C4orf51: variants seen among roughly 807,000 people sequenced by gnomAD.
C4orf51 encodes chromosome 4 open reading frame 51.
In C4orf51, 25 loss-of-function variants were observed where a neutral mutation model predicts 25.2. The observed-to-expected ratio is 0.99, with a 90% CI of 0.72 to 1.39. The LOEUF (loss-of-function observed/expected upper bound fraction) is 1.39. Ranked by LOEUF, C4orf51 falls within the 40% of genes most tolerant of loss-of-function variation. The pLI is 0.00. For missense variants in C4orf51, 252 were observed against 239.6 expected, an observed-to-expected ratio of 1.05 and a Z score of -0.34; for synonymous variants, 100 against 84.5, an observed-to-expected ratio of 1.18 and a Z score of -1.01.
chr4:145,753,244 C>T (rs936185735), intron 1 of C4orf51, among the ~76,000 whole-genome samples: 2 of 150,928 alleles, frequency 1.3e-5, no homozygotes, highest in African/African-American at 4.9e-5. Flanking sequence ...TTCTATTCGA[C>T]CAGCTTGCTC....
intron 1 of C4orf51, among the ~76,000 whole-genome samples, chr4:145,738,509 T>C (rs970187548): frequency 7.9e-5 from 12 of 152,016 alleles, no homozygotes; most frequent in Non-Finnish European, 1.8e-4. Context: ...TTTGGTGTTT[T>C]ATGAAGAAAC....
At chr4:145,791,787 C>G in the C4orf51 span, among the ~76,000 whole-genome samples, 1 of 152,280 alleles carries the variant, frequency 6.6e-6, no homozygotes, top group South Asian at 2.1e-4. Flanking sequence ...ATTTAACTCT[C>G]TTAACAAAAG....
At chr4:145,775,137 A>AGC (rs1736861634), downstream of C4orf51, among the ~76,000 whole-genome samples, 3 of 152,204 alleles carry the variant, frequency 2.0e-5, no homozygotes, top group Admixed American at 2.0e-4. Flanking sequence ...GTTGTATGGC[A>AGC]CTCCAAGCAA....
At chr4:145,774,582 C>T (rs151291781), downstream of C4orf51, 327 of 1,613,348 alleles carry the variant, frequency 2.0e-4, no homozygotes, top group East Asian at 3.3e-3. Flanking sequence ...TGCAGCAGAT[C>T]GAAAACATCC....
Position 145,732,492 on chromosome 4 carries a change from T to C in C4orf51, c.541T>C (p.Ser181Pro), listed in dbSNP as rs1398422864. 6 of 1,611,304 alleles carry C rather than the reference T, an allele frequency of 3.7e-6. No individual in the cohort carries two copies. Among genetic ancestry groups the C allele is most frequent in the South Asian group, 2.2e-5 (2 of 90,182 alleles). ...RCDSESKVCSSEDSEADRYSD... is the reference protein window; with the variant it reads ...RCDSESKVCSPEDSEADRYSD... ...CGATTCTGAAAGCAAGGTTTGCTCA[T>C]CTGAGGATTCAGAAGCTGATCGATA... The change falls in exon 6 of 6, where the codon TCT becomes CCT. Residue 181 changes from serine (S) to proline (P), a missense_variant. Coordinates refer to ENST00000438731, the MANE Select transcript of C4orf51 (RefSeq NM_001080531.3).
rs562538342 is a variant in C4orf51 at position 145,726,699 on chromosome 4, G to A, written c.308-212G>A. On this transcript the variant is annotated intron_variant, in intron 2 of 5. Coordinates refer to ENST00000438731, the MANE Select transcript of C4orf51 (RefSeq NM_001080531.3). ...TGGGATTACAGCCATGAGCCACGGT[G>A]TCTGGCCATAAATTACTGTTAACTG... 3.9e-5 allele frequency among the ~76,000 whole-genome samples: 6 copies of A among 152,306 alleles called. No individual in the cohort carries two copies. The East Asian group carries it at 1.2e-3, about 29-fold the overall frequency.
Position 145,761,665 on chromosome 4 carries a change from G to T in C4orf51, n.167-9323G>T. 1.0e-6 allele frequency: 1 copy of T among 979,530 alleles called. No individual in the cohort carries two copies. The highest frequency in any genetic ancestry group is 1.4e-6 in the Non-Finnish European group (1 of 735,124). 60.7% of individuals were successfully genotyped at this position (979,530 alleles called of 1,614,324 possible). On this transcript the variant is annotated intron_variant and non_coding_transcript_variant, in intron 1 of 1. Transcript: ENST00000510096. The surrounding 1 kb of genome is among the most constrained non-coding windows in gnomAD (Gnocchi z 6.8). ...TTCGGAGGCAGCCGCGCTTCTCGCC[G>T]CCTCACCAGCCTTCCCTCACACCAC... is the stretch of plus-strand genomic sequence containing the variant.
intron 1 of C4orf51, among the ~76,000 whole-genome samples, chr4:145,745,391 C>T (rs1733318536): frequency 6.6e-6 from 1 of 151,072 alleles, no homozygotes; most frequent in Non-Finnish European, 1.5e-5. Flanking sequence ...CCTTCCCAGA[C>T]TCTGGTAATC....
rs1266809403 is a variant in C4orf51 at position 145,752,782 on chromosome 4, A to G, written n.168-1425A>G. 2.0e-5 allele frequency among the ~76,000 whole-genome samples: 3 copies of G among 152,220 alleles called. No homozygotes were observed. The South Asian group carries it at 6.2e-4, about 31-fold the overall frequency. On this transcript the variant is annotated intron_variant and non_coding_transcript_variant, in intron 1 of 1. Coordinates refer to the C4orf51 transcript ENST00000508981. ...TTAGGATTTCTGAGCGCTTTAGCTC[A>G]CAATGGTGTGTCTTGCCTGAACTCA...
At chr4:145,736,531 T>C (rs1732813114), downstream of C4orf51, among the ~76,000 whole-genome samples, 1 of 152,132 alleles carries the variant, frequency 6.6e-6, no homozygotes, top group Admixed American at 6.5e-5. Context: ...GTCCATCAGC[T>C]GTGGAGCAGG....
intron 3 of C4orf51, among the ~76,000 whole-genome samples, chr4:145,728,784 C>G (rs1732255907): frequency 6.6e-6 from 1 of 152,070 alleles, no homozygotes; most frequent in African/African-American, 2.4e-5. Flanking sequence ...AGTATATTTC[C>G]TTTATCCATT....
chr4:145,742,031 T>A (rs1174452975), intron 1 of C4orf51, among the ~76,000 whole-genome samples: 1 of 152,184 alleles, frequency 6.6e-6, no homozygotes. Context: ...AGTACTAAAC[T>A]CAATACAAGG....
chr4:145,702,219 G>A (rs1730494194), intron 2 of C4orf51, among the ~76,000 whole-genome samples: 1 of 151,980 alleles, frequency 6.6e-6, no homozygotes, highest in Non-Finnish European at 1.5e-5. Context: ...TTACAAGTTA[G>A]TTCAGAATCT....
intron 1 of C4orf51, chr4:145,759,854 C>A (rs1185997163): frequency 1.3e-5 from 2 of 152,092 alleles, no homozygotes; most frequent in Non-Finnish European, 2.9e-5. Context: ...CCATACATTT[C>A]TTTTTCCTGC....
At chr4:145,775,801 G>A, downstream of C4orf51, 2 of 1,614,166 alleles carry the variant, frequency 1.2e-6, no homozygotes, top group African/African-American at 2.7e-5. Context: ...GTAATAATAA[G>A]GATGTTTCTT....
intron 2 of C4orf51, among the ~76,000 whole-genome samples, chr4:145,699,299 G>T (rs1233817464): frequency 4.9e-5 from 5 of 101,338 alleles, no homozygotes; most frequent in Non-Finnish European, 1.0e-4. Context: ...TTGGATCAGG[G>T]ACCTCCCTTG....
chr4:145,702,264 C>A (rs1484291842), intron 2 of C4orf51, among the ~76,000 whole-genome samples: 1 of 151,814 alleles, frequency 6.6e-6, no homozygotes, highest in African/African-American at 2.4e-5. Context: ...GCCTATCCAC[C>A]CCGTGGTGCC....
At chr4:145,731,756 A>G (rs1359810951) in intron 5 of C4orf51, among the ~76,000 whole-genome samples, 1 of 151,638 alleles carries the variant, frequency 6.6e-6, no homozygotes, top group Non-Finnish European at 1.5e-5. Context: ...TAATTTTTGT[A>G]TTTTTAGTAG....
chr4:145,792,356 T>C, the C4orf51 span, among the ~76,000 whole-genome samples: 3 of 151,710 alleles, frequency 2.0e-5, no homozygotes, highest in Non-Finnish European at 4.4e-5. Flanking sequence ...GGGCATCCTA[T>C]TGTTTTCAGT....
Sources: gnomAD v4.1 joint callset for allele counts (sites outside exome capture counted in the v4.1 genomes callset) on GRCh38, gnomAD v4.1.1 for gene constraint, Gnocchi (gnomAD v3.1) non-coding constraint, MANE v1.5 for transcripts, NCBI Gene and HGNC (gene_info 2026-07-23, HGNC 2026-07-21) for gene names.